GDA: variants seen among roughly 807,000 people sequenced by gnomAD.
GDA encodes guanine deaminase.
In GDA, 18 loss-of-function variants were observed where a neutral mutation model predicts 59.6. The ratio of observed to expected loss-of-function variants is 0.30; its 90% CI spans 0.21 to 0.45. The LOEUF is 0.45. GDA is among the 20% of genes least tolerant of loss of function. The probability of loss-of-function intolerance (pLI) is 1.00; values close to 1 mark genes in which losing one functional copy is unlikely to be tolerated. For missense variants in GDA, 427 were observed against 552.3 expected (o/e 0.77, Z 2.27); for synonymous variants, 201 against 201.1 (o/e 1.00, Z 0.00).
chr9:72,255,725 G>A (rs1016735518), downstream of GDA, among the ~76,000 whole-genome samples: 3 of 152,236 alleles, frequency 2.0e-5, no homozygotes, highest in East Asian at 1.9e-4. Flanking sequence ...TATCCATCCC[G>A]TAAAATCTCA....
chr9:72,161,159 C>T (rs1364930122), intron 1 of GDA, among the ~76,000 whole-genome samples: 3 of 151,878 alleles, frequency 2.0e-5, no homozygotes, highest in East Asian at 1.9e-4. Flanking sequence ...CTGCCCACCT[C>T]GGCCTCCCAA....
At chr9:72,136,933 C>G (rs1388529585) in intron 1 of GDA, among the ~76,000 whole-genome samples, 1 of 152,046 alleles carries the variant, frequency 6.6e-6, no homozygotes, top group Non-Finnish European at 1.5e-5. Flanking sequence ...GGAGATTGCG[C>G]CATTGCACTC....
chr9:72,140,675 A>C (rs149810765), intron 1 of GDA, among the ~76,000 whole-genome samples: 31 of 152,280 alleles, frequency 2.0e-4, no homozygotes, highest in African/African-American at 6.7e-4. Context: ...ATATTTCTCC[A>C]TTGAAATAAG....
intron 8 of GDA, among the ~76,000 whole-genome samples, chr9:72,226,357 T>A (rs987033633): frequency 6.6e-6 from 1 of 152,232 alleles, no homozygotes; most frequent in Non-Finnish European, 1.5e-5. Context: ...TTGATGTGTA[T>A]GTACATATGT....
chr9:72,197,676 A>T (rs1043634903), intron 2 of GDA: 2 of 152,174 alleles, frequency 1.3e-5, no homozygotes, highest in Non-Finnish European at 2.9e-5. Flanking sequence ...GTAGTAAGGT[A>T]AGAAATAATT....
intron 7 of GDA, among the ~76,000 whole-genome samples, chr9:72,224,805 A>G (rs1294851330): frequency 7.9e-6 from 1 of 125,868 alleles, no homozygotes; most frequent in African/African-American, 3.1e-5. Context: ...CATCTAGCCC[A>G]ACCCTTTTTT....
chr9:72,258,948 G>A (rs367545883), downstream of GDA, among the ~76,000 whole-genome samples: 7 of 152,104 alleles, frequency 4.6e-5, no homozygotes, highest in East Asian at 1.9e-4. Context: ...GATTGGGATG[G>A]TCAGAGCTCA....
intron 1 of GDA, among the ~76,000 whole-genome samples, chr9:72,129,058 G>C (rs1226829154): frequency 6.6e-6 from 1 of 152,068 alleles, no homozygotes; most frequent in Non-Finnish European, 1.5e-5. Context: ...TGCCCCCTGG[G>C]TTCAAGTGAT....
chr9:72,137,924 G>T (rs868638539), intron 1 of GDA, among the ~76,000 whole-genome samples: 2 of 152,092 alleles, frequency 1.3e-5, no homozygotes, highest in South Asian at 4.1e-4. Context: ...CCTGAGAAAG[G>T]CTTCTGGCCG....
chr9:72,195,599 A>C lies in GDA; in HGVS notation c.212+11A>C. On this transcript the variant is annotated intron_variant, in intron 2 of 13. Transcript: ENST00000358399. Reference sequence around the variant, plus strand: ...AGAACTGAGCCACCAGTAAGTTGTTACTTCTTCCCTTTTACTGGGTGCCAC... The same window carrying C: ...AGAACTGAGCCACCAGTAAGTTGTTCCTTCTTCCCTTTTACTGGGTGCCAC... 1 of 1,364,090 alleles carries C rather than the reference A, an allele frequency of 7.3e-7. No individual in the cohort carries two copies. Among genetic ancestry groups the C allele is most frequent in the Non-Finnish European group, 1.0e-6 (1 of 977,940 alleles). 84.5% of individuals were successfully genotyped at this position (1,364,090 alleles called of 1,614,324 possible). A position where few individuals can be genotyped will look rare whatever the true frequency, so the allele number is the denominator to read the frequency against.
At chr9:72,227,922 G>T in intron 8 of GDA, 21 bp from the exon 9 acceptor site, 1 of 1,335,326 alleles carries the variant, frequency 7.5e-7, no homozygotes, top group Non-Finnish European at 1.1e-6. Flanking sequence ...TAAACTCCAC[G>T]TAGGGCACTC....
In GDA at chr9:72,249,712, C is replaced by A; in HGVS notation, c.*1370C>A. The A allele has an allele frequency of 2.6e-6, 2 of 762,478 alleles. No homozygotes were observed. The highest frequency in any genetic ancestry group is 3.2e-6 in the Non-Finnish European group (2 of 626,906). 47.2% of individuals were successfully genotyped at this position (762,478 alleles called of 1,614,324 possible). On this transcript the variant is annotated 3_prime_UTR_variant, in exon 14 of 14. Coordinates refer to ENST00000358399, the MANE Select transcript of GDA (RefSeq NM_004293.5). ...TTTAATTACAAATACTATAAATGAG[C>A]AAGGAAAAGGAATAGACTTTCTTAA... is the stretch of plus-strand genomic sequence containing the variant.
At chr9:72,197,125 G>A (rs1425230919) in intron 2 of GDA, among the ~76,000 whole-genome samples, 3 of 152,146 alleles carry the variant, frequency 2.0e-5, no homozygotes, top group Admixed American at 6.5e-5. Context: ...TCCACAGACT[G>A]TACTGTAGCT....
chr9:72,162,902 C>A (rs1329616089), intron 1 of GDA, among the ~76,000 whole-genome samples: 2 of 152,196 alleles, frequency 1.3e-5, no homozygotes, highest in Admixed American at 6.5e-5. Flanking sequence ...CGTGATCCGC[C>A]CGCCTCGGCC....
chr9:72,175,638 A>G lies in GDA; in HGVS notation c.124-19862A>G, dbSNP rs527958862. Among the ~76,000 whole-genome samples, 9 of 152,304 alleles carry G rather than the reference A, an allele frequency of 5.9e-5. 1 individual carries two copies. The South Asian group carries it at 1.7e-3, about 28-fold the overall frequency. Reference sequence around the variant, plus strand: ...CCTTTTGAAGGACTTCTATGGTGCTAAGGAGAATTTTAAATTCTACTTGTG... The same window carrying G: ...CCTTTTGAAGGACTTCTATGGTGCTGAGGAGAATTTTAAATTCTACTTGTG... On this transcript the variant is annotated intron_variant, in intron 1 of 13. Transcript: ENST00000358399.
At chr9:72,212,208 C>T (rs529069201) in intron 4 of GDA, among the ~76,000 whole-genome samples, 97 of 152,218 alleles carry the variant, frequency 6.4e-4, no homozygotes, top group African/African-American at 2.0e-3. Flanking sequence ...TATGGCCAGG[C>T]GCGGTGGTTA....
intron 7 of GDA, 36 bp from the exon 8 acceptor site, chr9:72,225,641 C>T (rs372987302): frequency 2.4e-5 from 24 of 981,224 alleles, no homozygotes; most frequent in Non-Finnish European, 3.8e-5. Context: ...TGGTATTTTA[C>T]AGAAGAAAAA....
At chr9:72,235,690 C>CAAA (rs11411689) in intron 10 of GDA, among the ~76,000 whole-genome samples, 1 of 142,206 alleles carries the variant, frequency 7.0e-6, no homozygotes, top group Non-Finnish European at 1.5e-5. Context: ...GAGAGAGACT[C>CAAA]AAAAAAAAAA....
intron 1 of GDA, among the ~76,000 whole-genome samples, chr9:72,170,289 C>T (rs557351723): frequency 2.0e-5 from 3 of 152,090 alleles, no homozygotes; most frequent in African/African-American, 7.2e-5. Context: ...TCCTGCTTGG[C>T]AAAAATGGCT....
Sources: allele counts gnomAD v4.1 joint callset (sites outside exome capture counted in the v4.1 genomes callset), GRCh38; gene constraint gnomAD v4.1.1; transcripts MANE v1.5; gene names NCBI Gene and HGNC (gene_info 2026-07-23, HGNC 2026-07-21).